GLI3: variants seen among roughly 807,000 people sequenced by gnomAD.
The protein encoded by GLI3 is GLI family zinc finger 3.
In GLI3, 20 loss-of-function variants were observed where a neutral mutation model predicts 100.8. The observed-to-expected ratio is 0.20, with a 90% CI of 0.14 to 0.29. The LOEUF is 0.29. Ranked by LOEUF, GLI3 falls within the 10% of genes least tolerant of loss-of-function variation. The probability of loss-of-function intolerance (pLI) is 1.00; values close to 1 mark genes in which losing one functional copy is unlikely to be tolerated. For missense variants in GLI3, 2,040 were observed against 2,128.5 expected (o/e 0.96, Z 0.82); for synonymous variants, 938 against 860.5 (o/e 1.09, Z -1.58).
intron 12 of GLI3, among the ~76,000 whole-genome samples, chr7:41,975,757 A>G (rs573177628): frequency 6.6e-6 from 1 of 152,328 alleles, no homozygotes; most frequent in South Asian, 2.1e-4. Context: ...AATTGTCTTT[A>G]TATGTGTGCA....
Position 41,980,089 on chromosome 7 carries a change from G to A in GLI3, c.1498-1341C>T, listed in dbSNP as rs189806008. Among the ~76,000 whole-genome samples, 999 of 152,310 alleles carry A rather than the reference G, an allele frequency of 6.6e-3. 6 individuals carry two copies. The highest frequency in any genetic ancestry group is 8.7e-3 in the Non-Finnish European group (589 of 68,024). On this transcript the variant is annotated intron_variant, in intron 10 of 14. Transcript: ENST00000395925. ...TTGTTGTTCTCTATCTCCTCTCCTT[G>A]GAGCAGTTCCCAGAAAAATCTGATG...
intron 2 of GLI3, among the ~76,000 whole-genome samples, chr7:42,153,643 C>T (rs1786931395): frequency 6.6e-6 from 1 of 152,036 alleles, no homozygotes; most frequent in Admixed American, 6.6e-5. Flanking sequence ...GAGATTCTAA[C>T]AAGAAAATAC....
At chr7:42,154,233 A>G (rs1583604640) in intron 2 of GLI3, among the ~76,000 whole-genome samples, 1 of 152,164 alleles carries the variant, frequency 6.6e-6, no homozygotes, top group East Asian at 1.9e-4. Flanking sequence ...CTATGGGGAG[A>G]CACTGGACCC....
At chr7:42,032,523 A>C (rs2128735217) in intron 7 of GLI3, among the ~76,000 whole-genome samples, 1 of 152,314 alleles carries the variant, frequency 6.6e-6, no homozygotes, top group Non-Finnish European at 1.5e-5. Context: ...TAGGCACTTC[A>C]AAGTCATTAA....
At chr7:41,984,355 C>T (rs1787754975) in intron 10 of GLI3, among the ~76,000 whole-genome samples, 3 of 152,158 alleles carry the variant, frequency 2.0e-5, no homozygotes, top group Admixed American at 6.5e-5. Context: ...ATAAAGCCGC[C>T]GTTCACGCAG....
At chr7:42,177,455 A>C (rs555150428) in intron 2 of GLI3, among the ~76,000 whole-genome samples, 1 of 152,322 alleles carries the variant, frequency 6.6e-6, no homozygotes, top group East Asian at 1.9e-4. Flanking sequence ...TCACCTGTTT[A>C]AAGGTGAGGA....
intron 10 of GLI3, among the ~76,000 whole-genome samples, chr7:42,021,215 TTTAA>T (rs1270216654): frequency 2.6e-5 from 4 of 152,224 alleles, no homozygotes; most frequent in African/African-American, 7.2e-5. Flanking sequence ...TCTTAATTCA[TTTAA>T]TTAAGTTTAT....
At chr7:42,021,692 C>T (rs1051859545) in intron 10 of GLI3, among the ~76,000 whole-genome samples, 4 of 152,194 alleles carry the variant, frequency 2.6e-5, no homozygotes, top group African/African-American at 9.7e-5. Context: ...GAACCAGTAT[C>T]CAACATTCCT....
chr7:42,238,494 A>G (rs1253633455), upstream of GLI3, among the ~76,000 whole-genome samples: 1 of 152,140 alleles, frequency 6.6e-6, no homozygotes, highest in South Asian at 2.1e-4. Context: ...CAAATCCGCG[A>G]AGCGAGGAGG....
intron 2 of GLI3, among the ~76,000 whole-genome samples, chr7:42,201,483 C>G (rs1186263428): frequency 3.3e-5 from 5 of 152,180 alleles, no homozygotes; most frequent in Non-Finnish European, 7.3e-5. Context: ...ATAGCCCTCA[C>G]ATACACATAG....
At chr7:42,083,628 G>A (rs1325741339) in intron 3 of GLI3, among the ~76,000 whole-genome samples, 5 of 152,116 alleles carry the variant, frequency 3.3e-5, no homozygotes, top group Non-Finnish European at 7.3e-5. Flanking sequence ...CCCTATTCCA[G>A]TGTACCATGA....
intron 3 of GLI3, among the ~76,000 whole-genome samples, chr7:42,134,506 A>C (rs1786379125): frequency 1.3e-5 from 2 of 152,200 alleles, no homozygotes; most frequent in African/African-American, 4.8e-5. Flanking sequence ...GCAAACCCAC[A>C]AAAACCCAGA....
chr7:42,182,474 T>C (rs910068291), intron 2 of GLI3, among the ~76,000 whole-genome samples: 1 of 151,004 alleles, frequency 6.6e-6, no homozygotes, highest in Non-Finnish European at 1.5e-5. Flanking sequence ...TGTAAACGCA[T>C]GCTCTTTACC....
chr7:42,183,150 G>C (rs1787651057), intron 2 of GLI3, among the ~76,000 whole-genome samples: 1 of 152,162 alleles, frequency 6.6e-6, no homozygotes, highest in Admixed American at 6.5e-5. Flanking sequence ...CTTGAACCCA[G>C]GAGGCAGAGG....
chr7:42,053,122 A>C (rs1157823634), intron 4 of GLI3, among the ~76,000 whole-genome samples: 4 of 152,118 alleles, frequency 2.6e-5, no homozygotes, highest in African/African-American at 9.7e-5. Flanking sequence ...CAGCCTCCCG[A>C]GTAGCTGGGA....
At chr7:42,246,449 A>G (rs1440142915) in intron 1 of GLI3, among the ~76,000 whole-genome samples, 1 of 152,128 alleles carries the variant, frequency 6.6e-6, no homozygotes, top group Non-Finnish European at 1.5e-5. Context: ...TCATATGTGA[A>G]AGTTTTTTTG....
intron 1 of GLI3, among the ~76,000 whole-genome samples, chr7:42,262,612 C>T (rs1317194430): frequency 6.6e-6 from 1 of 152,144 alleles, no homozygotes; most frequent in Non-Finnish European, 1.5e-5. Flanking sequence ...CTGGGGCAGA[C>T]TCTCTCACTG....
At chr7:42,152,315 T>C (rs1786891311) in intron 2 of GLI3, 14 of 775,068 alleles carry the variant, frequency 1.8e-5, no homozygotes, top group Non-Finnish European at 2.2e-5. Context: ...TCCCAAGACC[T>C]AGAAGATGCG....
intron 4 of GLI3, among the ~76,000 whole-genome samples, chr7:42,049,534 C>T (rs556472775): frequency 2.0e-5 from 3 of 152,210 alleles, no homozygotes; most frequent in Non-Finnish European, 2.9e-5. Context: ...CAAGCCCTTG[C>T]GTCGGTTATA....
Sources: allele counts gnomAD v4.1 joint callset (sites outside exome capture counted in the v4.1 genomes callset), GRCh38; gene constraint gnomAD v4.1.1; transcripts MANE v1.5; gene names NCBI Gene and HGNC (gene_info 2026-07-23, HGNC 2026-07-21).